SUSD1: variants seen among roughly 807,000 people sequenced by gnomAD.
SUSD1 encodes the protein sushi domain-containing protein 1.
In SUSD1, 65 loss-of-function variants were observed where a neutral mutation model predicts 86.9. That is an observed-to-expected ratio of 0.75 (90% CI 0.61 to 0.92). SUSD1 has a LOEUF of 0.92. Ranked by LOEUF, SUSD1 falls within the 40% of genes least tolerant of loss-of-function variation. SUSD1 has a pLI of 0.00. For missense variants in SUSD1, 850 were observed against 929.7 expected, an observed-to-expected ratio of 0.91 and a Z score of 1.11; for synonymous variants, 346 against 350.0, an observed-to-expected ratio of 0.99 and a Z score of 0.13.
intron 2 of SUSD1, among the ~76,000 whole-genome samples, chr9:112,153,669 AATGGCGCG>A (rs1833166535): frequency 4.0e-5 from 6 of 148,224 alleles, no homozygotes; most frequent in Admixed American, 3.4e-4. Context: ...GCTGGAGTGC[AATGGCGCG>A]ATCTCGGCTC....
chr9:112,152,957 A>C (rs1833131833), intron 2 of SUSD1, among the ~76,000 whole-genome samples: 1 of 151,768 alleles, frequency 6.6e-6, no homozygotes, highest in African/African-American at 2.4e-5. Context: ...TTACTTTTTA[A>C]ACTTTCTTAT....
At chr9:112,127,171 A>G (rs746285721) in intron 5 of SUSD1, among the ~76,000 whole-genome samples, 1 of 152,212 alleles carries the variant, frequency 6.6e-6, no homozygotes, top group Admixed American at 6.5e-5. Flanking sequence ...CAGGAGTTTG[A>G]GACCAGCCTG....
intron 6 of SUSD1, among the ~76,000 whole-genome samples, chr9:112,120,856 G>A (rs558747821): frequency 6.6e-6 from 1 of 152,348 alleles, no homozygotes; most frequent in African/African-American, 2.4e-5. Context: ...GTTGGAGGCA[G>A]AGCAGCTTGA....
chr9:112,169,291 G>A (rs951198956), intron 1 of SUSD1: 3 of 151,794 alleles, frequency 2.0e-5, no homozygotes, highest in Non-Finnish European at 4.4e-5. Context: ...AGTTGGGCTG[G>A]TCCAAAGGTA....
At chr9:112,125,667 C>T (rs1831744772) in intron 5 of SUSD1, among the ~76,000 whole-genome samples, 1 of 152,234 alleles carries the variant, frequency 6.6e-6, no homozygotes, top group Non-Finnish European at 1.5e-5. Flanking sequence ...GCCCTCCTAA[C>T]ATCCAGGCTT....
At chr9:112,167,868 A>C (rs1235868593) in intron 1 of SUSD1, among the ~76,000 whole-genome samples, 1 of 152,204 alleles carries the variant, frequency 6.6e-6, no homozygotes, top group Non-Finnish European at 1.5e-5. Context: ...GAAGCCTCAC[A>C]GTCATGGCAG....
chr9:112,115,385 G>C (rs1413113413), intron 6 of SUSD1, among the ~76,000 whole-genome samples: 1 of 152,198 alleles, frequency 6.6e-6, no homozygotes, highest in East Asian at 1.9e-4. Context: ...TGGAGGCAGA[G>C]AGGGAAAAAT....
intron 15 of SUSD1, among the ~76,000 whole-genome samples, chr9:112,051,408 C>CTTTTTTTTTT (rs746946192): frequency 8.7e-4 from 67 of 77,016 alleles, no homozygotes; most frequent in East Asian, 1.5e-3. Flanking sequence ...TTTTTCTTTT[C>CTTTTTTTTTT]TTTTTTTTTT....
chr9:112,133,247 C>T (rs1309765422), intron 5 of SUSD1, among the ~76,000 whole-genome samples: 3 of 152,196 alleles, frequency 2.0e-5, no homozygotes, highest in Non-Finnish European at 4.4e-5. Context: ...CACACTCCAC[C>T]CTGGGCAACC....
intron 3 of SUSD1, chr9:112,146,063 G>A (rs1395333780): frequency 6.6e-6 from 1 of 152,180 alleles, no homozygotes. Context: ...CCAGGAACTA[G>A]GATTCACATC....
At chr9:112,122,888 A>G (rs1480976001) in intron 6 of SUSD1, among the ~76,000 whole-genome samples, 1 of 152,206 alleles carries the variant, frequency 6.6e-6, no homozygotes, top group Non-Finnish European at 1.5e-5. Context: ...CAAGTACCAT[A>G]TGAGATACCT....
chr9:112,063,640 C>T (rs1828833616), intron 12 of SUSD1, among the ~76,000 whole-genome samples: 1 of 152,170 alleles, frequency 6.6e-6, no homozygotes, highest in Admixed American at 6.5e-5. Flanking sequence ...AACAAGATTT[C>T]CCAAATAGGT....
At chr9:112,065,862 A>C (rs1015106885) in intron 12 of SUSD1, among the ~76,000 whole-genome samples, 1 of 152,214 alleles carries the variant, frequency 6.6e-6, no homozygotes, top group African/African-American at 2.4e-5. Context: ...ACACAAGTAA[A>C]GAGAATAAAA....
rs141086770 is a variant in SUSD1, at chr9:112,141,111, G to A, written c.706+1209C>T. Among the ~76,000 whole-genome samples, 774 of 152,278 alleles carry A rather than the reference G, an allele frequency of 5.1e-3. 10 individuals carry two copies. The highest frequency in any genetic ancestry group is 0.018 in the African/African-American group (747 of 41,544). ...GAATGTGAAGGCCTAGGACATTACT[G>A]TACACTTTTATGTATAGTAATGTAC... On this transcript the variant is annotated intron_variant, in intron 5 of 16. Transcript: ENST00000374270.
intron 3 of SUSD1, among the ~76,000 whole-genome samples, chr9:112,146,994 T>C (rs1459858793): frequency 6.6e-5 from 10 of 152,112 alleles, no homozygotes; most frequent in Admixed American, 6.6e-4. Flanking sequence ...TACTGATAAA[T>C]ATACAGTTGT....
At chr9:112,152,893 C>A (rs949861633) in intron 2 of SUSD1, among the ~76,000 whole-genome samples, 8 of 150,740 alleles carry the variant, frequency 5.3e-5, no homozygotes, top group African/African-American at 2.0e-4. Flanking sequence ...TAGCTAGGAC[C>A]ACAGGTACCT....
rs57257840 is a variant in SUSD1, at chr9:112,152,569, ATTTTT to A, written c.218-3175_218-3171del. Among the ~76,000 whole-genome samples, 7 of 122,646 alleles carry A rather than the reference ATTTTT, an allele frequency of 5.7e-5. No individual in the cohort carries two copies. In the South Asian group the frequency reaches 1.8e-3, roughly 31 times the overall value. 80.5% of individuals were successfully genotyped at this position (122,646 alleles called of 152,430 possible). Reference sequence around the variant, plus strand: ...AGGTGACTGCTACTGTGCCTGGATAATTTTTTTTTTTTTTTTTTGTACAGATGGAG... The same window carrying A: ...AGGTGACTGCTACTGTGCCTGGATAATTTTTTTTTTTTTGTACAGATGGAG... On this transcript the variant is annotated intron_variant, in intron 2 of 16. Coordinates refer to ENST00000374270, the MANE Select transcript of SUSD1 (RefSeq NM_022486.5).
chr9:112,172,054 G>T (rs542885686), intron 1 of SUSD1, among the ~76,000 whole-genome samples: 2 of 151,974 alleles, frequency 1.3e-5, no homozygotes, highest in Non-Finnish European at 2.9e-5. Flanking sequence ...AAATTTGCTA[G>T]GTGTGGTGGT....
In SUSD1 at chr9:112,155,025, C is replaced by T. The variant is rs140402762; in HGVS notation, c.217+2475G>A. Among the ~76,000 whole-genome samples the T allele has an allele frequency of 3.4e-3, 513 of 152,036 alleles. 2 individuals are homozygous for T. Among genetic ancestry groups the T allele is most frequent in the African/African-American group, 0.012 (496 of 41,476 alleles). On this transcript the variant is annotated intron_variant, in intron 2 of 16. Coordinates refer to ENST00000374270, the MANE Select transcript of SUSD1 (RefSeq NM_022486.5). ...CAGCACTTTGGGAGTCTGAGGCAGGCAGATCACCTGAGGTCGGGAGTTCAA... is the reference window on the plus strand; with the variant it reads ...CAGCACTTTGGGAGTCTGAGGCAGGTAGATCACCTGAGGTCGGGAGTTCAA...
Sources: allele counts gnomAD v4.1 joint callset (sites outside exome capture counted in the v4.1 genomes callset), GRCh38; gene constraint gnomAD v4.1.1; transcripts MANE v1.5; gene names NCBI Gene and HGNC (gene_info 2026-07-23, HGNC 2026-07-21).